Variants in MYOZ2 observed in about 807,000 individuals in gnomAD.
MYOZ2 encodes myozenin 2.
Under a neutral mutation model 25.4 loss-of-function variants are expected in MYOZ2, and 19 were observed. The observed-to-expected ratio is 0.75, with a 90% CI of 0.52 to 1.10. MYOZ2 has a LOEUF of 1.10. Ranked by LOEUF, MYOZ2 falls within the 50% of genes least tolerant of loss-of-function variation. MYOZ2 has a pLI of 0.00. For missense variants in MYOZ2, 270 were observed against 317.9 expected, an observed-to-expected ratio of 0.85 and a Z score of 1.15; for synonymous variants, 92 against 106.9, an observed-to-expected ratio of 0.86 and a Z score of 0.86.
chr4:119,141,836 C>T (rs764027460), intron 2 of MYOZ2, among the ~76,000 whole-genome samples: 5 of 152,210 alleles, frequency 3.3e-5, no homozygotes, highest in Non-Finnish European at 7.3e-5. Context: ...GGGCAGGCAA[C>T]AGCTGAACTT....
chr4:119,149,326 A>G (rs1741391917), intron 2 of MYOZ2, among the ~76,000 whole-genome samples: 1 of 152,224 alleles, frequency 6.6e-6, no homozygotes, highest in Non-Finnish European at 1.5e-5. Flanking sequence ...GTATTGGAGA[A>G]ACTTGTTACA....
At chr4:119,168,224 G>A (rs750123108) in intron 5 of MYOZ2, among the ~76,000 whole-genome samples, 13 of 152,154 alleles carry the variant, frequency 8.5e-5, no homozygotes, top group African/African-American at 1.2e-4. Context: ...TGCCCGCCTC[G>A]GTCTCCCAAA....
intron 5 of MYOZ2, among the ~76,000 whole-genome samples, chr4:119,175,183 A>G (rs1296355554): frequency 1.3e-5 from 2 of 152,130 alleles, no homozygotes; most frequent in Non-Finnish European, 2.9e-5. Context: ...ATAAAACAGA[A>G]GGAAATGTTT....
chr4:119,151,702 A>T (rs71610252), intron 3 of MYOZ2, among the ~76,000 whole-genome samples: 1 of 152,206 alleles, frequency 6.6e-6, no homozygotes, highest in Non-Finnish European at 1.5e-5. Flanking sequence ...TAGAAAGGCA[A>T]CCAGCTTTGG....
At chr4:119,146,284 A>C (rs879690016) in intron 2 of MYOZ2, among the ~76,000 whole-genome samples, 1 of 145,640 alleles carries the variant, frequency 6.9e-6, no homozygotes, top group African/African-American at 2.5e-5. Context: ...TATTTTGTTC[A>C]TCTTTTTTTT....
chr4:119,153,162 T>A (rs1741492726), intron 3 of MYOZ2, among the ~76,000 whole-genome samples: 1 of 152,002 alleles, frequency 6.6e-6, no homozygotes, highest in African/African-American at 2.4e-5. Context: ...ATGATCTGTG[T>A]GTTGCCCGAT....
At chr4:119,175,372 GAATA>G (rs1446322328) in intron 5 of MYOZ2, among the ~76,000 whole-genome samples, 1 of 152,054 alleles carries the variant, frequency 6.6e-6, no homozygotes. Flanking sequence ...TTCATTTCTG[GAATA>G]AATAAATACA....
chr4:119,150,874 G>A lies in MYOZ2; in HGVS notation c.79G>A (p.Val27Ile), dbSNP rs1345808429. ...AIMKEVHGNDVDGMDLGKKVS... is the reference protein window; with the variant it reads ...AIMKEVHGNDIDGMDLGKKVS... ...CTCATATGAATATTGTTTTACAGATGTTGATGGCATGGACCTGGGCAAAAA... is the reference window on the plus strand; with the variant it reads ...CTCATATGAATATTGTTTTACAGATATTGATGGCATGGACCTGGGCAAAAA... The change falls in exon 3 of 6, where the codon GTT (valine) becomes ATT (isoleucine). Residue 27 changes from valine (V) to isoleucine (I), a missense_variant and splice_region_variant. Coordinates refer to ENST00000307128, the MANE Select transcript of MYOZ2 (RefSeq NM_016599.5). 2.5e-6 allele frequency: 4 copies of A among 1,613,474 alleles called. No homozygotes were observed. The highest frequency in any genetic ancestry group is 2.5e-6 in the Non-Finnish European group (3 of 1,179,480).
At chr4:119,141,212 T>C (rs1315408564) in intron 2 of MYOZ2, among the ~76,000 whole-genome samples, 2 of 152,314 alleles carry the variant, frequency 1.3e-5, no homozygotes, top group South Asian at 2.1e-4. Flanking sequence ...CCTCTAGTAA[T>C]TGCAGTTGCC....
At chr4:119,156,465 T>C (rs1741579395) in intron 3 of MYOZ2, among the ~76,000 whole-genome samples, 1 of 152,172 alleles carries the variant, frequency 6.6e-6, no homozygotes, top group Non-Finnish European at 1.5e-5. Flanking sequence ...CAATAAAGTG[T>C]GAACATGATG....
intron 5 of MYOZ2, among the ~76,000 whole-genome samples, chr4:119,173,935 C>T (rs1013769619): frequency 2.0e-5 from 3 of 152,340 alleles, no homozygotes; most frequent in Admixed American, 6.5e-5. Context: ...CTCGGGCCAG[C>T]GGCGGTGGGG....
chr4:119,185,610 C>T (rs1176861400), intron 5 of MYOZ2, among the ~76,000 whole-genome samples: 2 of 152,146 alleles, frequency 1.3e-5, no homozygotes, highest in African/African-American at 2.4e-5. Flanking sequence ...CCACCACGCC[C>T]GGCCTAGAAA....
intron 5 of MYOZ2, among the ~76,000 whole-genome samples, chr4:119,179,712 C>G (rs1742149603): frequency 6.6e-6 from 1 of 152,210 alleles, no homozygotes. Context: ...CCTCACAGTT[C>G]TGGAGCTTGG....
In MYOZ2 at chr4:119,177,944, AAAAAGTTCTT is replaced by A. The variant is rs145539904; in HGVS notation, c.561-8018_561-8009del. ...AATTTCTATGCTTTTTCTTGACAGTAAAAAGTTCTTAAATATTGTCTATATTTATTGTCTC... is the reference window on the plus strand; with the variant it reads ...AATTTCTATGCTTTTTCTTGACAGTAAAATATTGTCTATATTTATTGTCTC... On this transcript the variant is annotated intron_variant, in intron 5 of 5. Transcript: ENST00000307128. 2.5e-3 allele frequency among the ~76,000 whole-genome samples: 385 copies of A among 152,294 alleles called. 12 individuals carry two copies. In the East Asian group the frequency reaches 0.058, roughly 23 times the overall value.
chr4:119,173,806 CGGGGCTGCGT>C (rs1442886789), intron 5 of MYOZ2, among the ~76,000 whole-genome samples: 3 of 152,124 alleles, frequency 2.0e-5, no homozygotes, highest in Non-Finnish European at 4.4e-5. Context: ...GAGCGGGAAC[CGGGGCTGCGT>C]GGGACGCTTG....
At chr4:119,154,001 T>A (rs1490339674) in intron 3 of MYOZ2, among the ~76,000 whole-genome samples, 1 of 152,146 alleles carries the variant, frequency 6.6e-6, no homozygotes, top group African/African-American at 2.4e-5. Context: ...ATTCTCTTCT[T>A]ATCAGTTACT....
At chr4:119,152,046 CTTG>C (rs1418065910) in intron 3 of MYOZ2, among the ~76,000 whole-genome samples, 2 of 152,016 alleles carry the variant, frequency 1.3e-5, no homozygotes, top group Non-Finnish European at 1.5e-5. Context: ...TTCTATTTTC[CTTG>C]TTATGTTTTT....
chr4:119,168,890 C>T (rs1741890071), intron 5 of MYOZ2, among the ~76,000 whole-genome samples: 2 of 152,104 alleles, frequency 1.3e-5, no homozygotes, highest in African/African-American at 2.4e-5. Context: ...AGGATTGACT[C>T]CAATTTTGAA....
At chr4:119,185,552 T>C (rs1742273824) in intron 5 of MYOZ2, among the ~76,000 whole-genome samples, 1 of 152,186 alleles carries the variant, frequency 6.6e-6, no homozygotes, top group Admixed American at 6.5e-5. Flanking sequence ...TGACCTCAGG[T>C]GATCCTCCTG....
Sources: allele counts gnomAD v4.1 joint callset (sites outside exome capture counted in the v4.1 genomes callset), GRCh38; gene constraint gnomAD v4.1.1; transcripts MANE v1.5; gene names NCBI Gene and HGNC (gene_info 2026-07-23, HGNC 2026-07-21).